SLC36A4: variants seen among roughly 807,000 people sequenced by gnomAD.
The protein encoded by SLC36A4 is solute carrier family 36 member 4.
SLC36A4 carries 49 observed loss-of-function variants against 50.5 expected under a neutral mutation model. The observed-to-expected ratio is 0.97, with a 90% CI of 0.77 to 1.23. SLC36A4 has a LOEUF of 1.23. Ranked by LOEUF, SLC36A4 falls within the 50% of genes most tolerant of loss-of-function variation. SLC36A4 has a pLI of 0.00. For missense variants in SLC36A4, 611 were observed against 608.4 expected, an observed-to-expected ratio of 1.00 and a Z score of -0.05; for synonymous variants, 207 against 206.5, an observed-to-expected ratio of 1.00 and a Z score of -0.02.
intron 9 of SLC36A4, chr11:93,154,771 C>A (rs1369750458): frequency 6.6e-6 from 1 of 152,094 alleles, no homozygotes; most frequent in Non-Finnish European, 1.5e-5. Flanking sequence ...AGTCTAAAAG[C>A]AGACATCTAA....
At chr11:93,149,954 C>T (rs985085025) in intron 10 of SLC36A4, among the ~76,000 whole-genome samples, 2 of 151,922 alleles carry the variant, frequency 1.3e-5, no homozygotes, top group Non-Finnish European at 2.9e-5. Flanking sequence ...GTCTAAATTA[C>T]TTCAAAATGA....
chr11:93,150,595 G>C (rs949616702), intron 10 of SLC36A4, among the ~76,000 whole-genome samples: 2 of 151,930 alleles, frequency 1.3e-5, no homozygotes, highest in African/African-American at 4.8e-5. Flanking sequence ...CTTTATAAAT[G>C]AAATAATTGA....
intron 7 of SLC36A4, chr11:93,166,305 T>A (rs1189650018): frequency 9.0e-7 from 1 of 1,107,234 alleles, no homozygotes; most frequent in Admixed American, 4.4e-5. Context: ...ACACTAGGTA[T>A]GGCTCCTGCC....
intron 1 of SLC36A4, among the ~76,000 whole-genome samples, chr11:93,197,003 G>A (rs988275771): frequency 8.5e-5 from 13 of 152,262 alleles, no homozygotes; most frequent in African/African-American, 3.1e-4. Context: ...TGCCCTGCAG[G>A]CTATTAGAGG....
rs767728081 is a variant in SLC36A4, at chr11:93,148,734, A to G, written c.1318T>C (p.Phe440Leu). The G allele has an allele frequency of 5.0e-6, 8 of 1,612,874 alleles. No individual in the cohort carries two copies. The highest frequency in any genetic ancestry group is 5.9e-6 in the Non-Finnish European group (7 of 1,179,372). Residue 440 changes from phenylalanine to leucine, a missense_variant, in exon 11 of 11, where the codon TTT becomes CTT. Transcript: ENST00000326402. ...ILPPLVEILT[F>L]SKEHYNIWMV... is the part of the protein sequence containing the mutation. Reference sequence around the variant, plus strand: ...CATATATTATAATGTTCCTTCGAAAATGTAAGAATTTCAACCAAAGGTGGC... The same window carrying G: ...CATATATTATAATGTTCCTTCGAAAGTGTAAGAATTTCAACCAAAGGTGGC...
chr11:93,180,982 T>C (rs1861707627), intron 5 of SLC36A4, 101 bp from the exon 6 acceptor site: 3 of 801,646 alleles, frequency 3.7e-6, no homozygotes, highest in South Asian at 1.6e-5. Flanking sequence ...TATTATAGCA[T>C]ATATTCTCCT....
chr11:93,157,332 T>C (rs1204909624), intron 9 of SLC36A4, among the ~76,000 whole-genome samples: 1 of 152,210 alleles, frequency 6.6e-6, no homozygotes, highest in African/African-American at 2.4e-5. Context: ...TTCAGGCTCA[T>C]TTCTGGTTCC....
chr11:93,174,516 G>C (rs2134675689), intron 6 of SLC36A4, among the ~76,000 whole-genome samples: 3 of 149,094 alleles, frequency 2.0e-5, no homozygotes, highest in South Asian at 2.2e-4. Context: ...GGACATCCCT[G>C]TCTTGTGCCA....
chr11:93,192,533 A>T (rs1205552662), intron 1 of SLC36A4, among the ~76,000 whole-genome samples: 38 of 152,188 alleles, frequency 2.5e-4, no homozygotes, highest in Admixed American at 2.3e-3. Flanking sequence ...CGTTACACAA[A>T]TTTTTTGTAG....
In SLC36A4 at chr11:93,175,097, A is replaced by G. The variant is rs1189636329; in HGVS notation, c.540+5700T>C. 1.2e-4 allele frequency among the ~76,000 whole-genome samples: 18 copies of G among 151,810 alleles called. No individual in the cohort carries two copies. In the East Asian group the frequency reaches 3.5e-3, roughly 30 times the overall value. On this transcript the variant is annotated intron_variant, in intron 6 of 10. Coordinates refer to ENST00000326402, the MANE Select transcript of SLC36A4 (RefSeq NM_152313.4). ...GGTCCTGGACTCTTTTTGGTTGGTA[A>G]ACTATTGATTATTGCTACAATTTCA...
Position 93,148,824 on chromosome 11 carries a change from G to T in SLC36A4, c.1228C>A (p.Pro410Thr). 1 of 1,610,096 alleles carries T rather than the reference G, an allele frequency of 6.2e-7. No individual in the cohort carries two copies. The highest frequency in any genetic ancestry group is 8.5e-7 in the Non-Finnish European group (1 of 1,178,576). The change falls in exon 11 of 11, where the codon CCT (proline) becomes ACT (threonine). Residue 410 changes from proline (P) to threonine (T), a missense_variant. By Grantham distance (38) the Pro-to-Thr change is conservative. Transcript: ENST00000326402. ...AAGGAAATCACAATGTCTAAACGAG[G>T]AATAAGAATTGCTCCGGCACCTAGA... ...SITCAGAILI[P>T]RLDIVISFVG...
Position 93,168,185 on chromosome 11 carries a change from C to T in SLC36A4, c.541-14G>A. The T allele has an allele frequency of 6.5e-7, 1 of 1,535,366 alleles. No individual in the cohort carries two copies. Among genetic ancestry groups the T allele is most frequent in the Non-Finnish European group, 8.8e-7 (1 of 1,130,840 alleles). On this transcript the variant is annotated splice_polypyrimidine_tract_variant and intron_variant, in intron 6 of 10. Transcript: ENST00000326402. Reference sequence around the variant, plus strand: ...TCCTTCATGAACCTACATAGGATTACCAGGAGAATAAAGAAGGGGGAAAAA... The same window carrying T: ...TCCTTCATGAACCTACATAGGATTATCAGGAGAATAAAGAAGGGGGAAAAA...
rs150590060 is a variant in SLC36A4 at position 93,164,699 on chromosome 11, G to A, written c.867+1219C>T. Reference sequence around the variant, plus strand: ...CAGCAAGGGAGAAAGAGAAAGAAATGAACATTTCCTGAGGCCTTCTGTGTC... The same window carrying A: ...CAGCAAGGGAGAAAGAGAAAGAAATAAACATTTCCTGAGGCCTTCTGTGTC... On this transcript the variant is annotated intron_variant, in intron 8 of 10. Coordinates refer to ENST00000326402, the MANE Select transcript of SLC36A4 (RefSeq NM_152313.4). Among the ~76,000 whole-genome samples, 135 of 152,248 alleles carry A rather than the reference G, an allele frequency of 8.9e-4. 1 individual carries two copies. The highest frequency in any genetic ancestry group is 6.8e-3 in the Middle Eastern group (2 of 294).
intron 6 of SLC36A4, among the ~76,000 whole-genome samples, chr11:93,172,739 T>C (rs375697723): frequency 7.6e-6 from 1 of 131,714 alleles, no homozygotes; most frequent in Non-Finnish European, 1.6e-5. Flanking sequence ...AATGATGATT[T>C]CCAATTTCAT....
At chr11:93,156,570 C>T (rs572881441) in intron 9 of SLC36A4, among the ~76,000 whole-genome samples, 2 of 152,128 alleles carry the variant, frequency 1.3e-5, no homozygotes, top group East Asian at 3.9e-4. Flanking sequence ...CAGGCGCCTG[C>T]CACCACACCT....
chr11:93,180,006 T>G, intron 6 of SLC36A4: 1 of 761,626 alleles, frequency 1.3e-6, no homozygotes, highest in Non-Finnish European at 1.6e-6. Flanking sequence ...TACACACAGG[T>G]TCTTTAGAAA....
chr11:93,152,487 T>A (rs1860139428), intron 10 of SLC36A4: 1 of 152,134 alleles, frequency 6.6e-6, no homozygotes, highest in Non-Finnish European at 1.5e-5. Context: ...TTGTTCCCTT[T>A]CTCCAAGGCA....
At chr11:93,150,583 C>A (rs76457615) in intron 10 of SLC36A4, among the ~76,000 whole-genome samples, 6,317 of 151,982 alleles carry the variant, frequency 0.042, 188 homozygotes, top group South Asian at 0.098. Context: ...AGTGGCATAA[C>A]CCTTTATAAA....
At chr11:93,167,118 T>A (rs1051088984) in intron 7 of SLC36A4, 7 of 152,076 alleles carry the variant, frequency 4.6e-5, no homozygotes, top group Non-Finnish European at 1.0e-4. Context: ...CTCAGTGCTA[T>A]AAGAGAAACT....
Sources: gnomAD v4.1 joint callset for allele counts (sites outside exome capture counted in the v4.1 genomes callset) on GRCh38, gnomAD v4.1.1 for gene constraint, MANE v1.5 for transcripts, NCBI Gene and HGNC (gene_info 2026-07-23, HGNC 2026-07-21) for gene names.